Variants in RSPO2 observed in about 807,000 individuals in gnomAD.
The protein encoded by RSPO2 is R-spondin-2.
A neutral mutation model predicts 30.9 loss-of-function variants in RSPO2; 14 were observed. The ratio of observed to expected loss-of-function variants is 0.45; its 90% CI spans 0.30 to 0.71. RSPO2 has a LOEUF of 0.71. Ranked by LOEUF, RSPO2 falls within the 30% of genes least tolerant of loss-of-function variation. RSPO2 has a pLI of 0.08. For synonymous variants in RSPO2, 107 were observed against 96.4 expected (o/e 1.11, Z -0.64); for missense variants, 264 against 301.9 (o/e 0.87, Z 0.93).
At chr8:107,974,434 A>C (rs769129591) in intron 3 of RSPO2, among the ~76,000 whole-genome samples, 67 of 152,256 alleles carry the variant, frequency 4.4e-4, no homozygotes, top group Middle Eastern at 6.8e-3. Flanking sequence ...GGATGGGTTG[A>C]GCCTGAGAGG....
intron 2 of RSPO2, among the ~76,000 whole-genome samples, chr8:108,071,510 C>G (rs1812844131): frequency 6.6e-6 from 1 of 152,182 alleles, no homozygotes; most frequent in Admixed American, 6.5e-5. Context: ...CTCAATTGCA[C>G]TATGCTGGGT....
At chr8:107,983,385 A>G (rs1246417526) in intron 3 of RSPO2, 11 of 1,607,230 alleles carry the variant, frequency 6.8e-6, no homozygotes, top group Non-Finnish European at 9.4e-6. Context: ...AGCAGAACAC[A>G]GACAAGGATG....
At chr8:107,954,367 TG>T (rs1200877989) in intron 5 of RSPO2, among the ~76,000 whole-genome samples, 1 of 152,198 alleles carries the variant, frequency 6.6e-6, no homozygotes, top group African/African-American at 2.4e-5. Context: ...ATGTACAACA[TG>T]GCCCAGACTT....
At chr8:107,987,445 A>G (rs1359622310) in intron 3 of RSPO2, among the ~76,000 whole-genome samples, 2 of 152,090 alleles carry the variant, frequency 1.3e-5, no homozygotes, top group Non-Finnish European at 2.9e-5. Context: ...TCCTTCCTCA[A>G]TTCCAACCAC....
intron 2 of RSPO2, among the ~76,000 whole-genome samples, chr8:108,003,295 ATATATATATATATATATTTTTTTTTTTT>A (rs1177869129): frequency 0.03 from 819 of 27,434 alleles, 12 homozygotes; most frequent in Middle Eastern, 0.083. Context: ...ATATATATAT[ATATATATATATATATATTTTTTTTTTTT>A]TTTTTTTTTT....
rs754722790 is a variant in RSPO2, at chr8:107,945,241, C to CTTTTT, written c.616+12834_616+12838dup. On this transcript the variant is annotated intron_variant, in intron 5 of 5. Transcript: ENST00000276659. ...TTATCTCCTGAGTTCATTCTTTTAC[C>CTTTTT]TTTTTTTTTTTTTTTTTTTTTTTTT... Among the ~76,000 whole-genome samples the CTTTTT allele has an allele frequency of 2.5e-3, 184 of 74,834 alleles. 5 individuals carry two copies. The highest frequency in any genetic ancestry group is 4.7e-3 in the East Asian group (9 of 1,898). 49.1% of individuals were successfully genotyped at this position (74,834 alleles called of 152,430 possible). A position where few individuals can be genotyped will look rare whatever the true frequency, so the allele number is the denominator to read the frequency against.
In RSPO2 at chr8:107,900,906, C is replaced by A; in HGVS notation, c.*169G>T. ...CACAGTCTCCAGATTCAAATCAAAG[C>A]ATAAATAACACAGGGGCCATGCTGG... On this transcript the variant is annotated 3_prime_UTR_variant, in exon 6 of 6. Transcript: ENST00000276659. 1 of 661,238 alleles carries A rather than the reference C, an allele frequency of 1.5e-6. No homozygotes were observed. 41.0% of individuals were successfully genotyped at this position (661,238 alleles called of 1,614,324 possible). A position where few individuals can be genotyped will look rare whatever the true frequency, so the allele number is the denominator to read the frequency against.
Position 107,901,049 on chromosome 8 carries a change from CCTAAAAAT to C in RSPO2, c.*18_*25del. On this transcript the variant is annotated 3_prime_UTR_variant, in exon 6 of 6. Coordinates refer to ENST00000276659, the MANE Select transcript of RSPO2 (RefSeq NM_178565.5). ...GTGCACATTTGCAAAAACAAAAACC[CCTAAAAAT>C]CTACCGGATCTCTTGTTTTATTGGT... 1 of 1,609,328 alleles carries C rather than the reference CCTAAAAAT, an allele frequency of 6.2e-7. No individual in the cohort carries two copies. Among genetic ancestry groups the C allele is most frequent in the Non-Finnish European group, 8.5e-7 (1 of 1,178,812 alleles).
intron 2 of RSPO2, among the ~76,000 whole-genome samples, chr8:108,003,297 ATATATATATATATATTT>A (rs1815324644): frequency 4.3e-5 from 1 of 23,328 alleles, no homozygotes; most frequent in South Asian, 2.1e-3. Flanking sequence ...ATATATATAT[ATATATATATATATATTT>A]TTTTTTTTTT....
At chr8:107,969,818 A>T (rs1236761400) in intron 3 of RSPO2, among the ~76,000 whole-genome samples, 1 of 152,142 alleles carries the variant, frequency 6.6e-6, no homozygotes, top group Non-Finnish European at 1.5e-5. Flanking sequence ...CCATTATTAG[A>T]ACTCTCATCT....
intron 2 of RSPO2, among the ~76,000 whole-genome samples, chr8:108,050,759 C>A (rs1351866458): frequency 6.6e-6 from 1 of 152,162 alleles, no homozygotes; most frequent in African/African-American, 2.4e-5. Flanking sequence ...TCACCACCCT[C>A]CACGTTGGTA....
intron 3 of RSPO2, among the ~76,000 whole-genome samples, chr8:107,978,595 A>G (rs1814300967): frequency 6.6e-6 from 1 of 152,246 alleles, no homozygotes; most frequent in Admixed American, 6.5e-5. Flanking sequence ...AAACCTAGGC[A>G]ATACCACTCA....
chr8:107,901,652 TTTTAACA>T (rs1421983600), intron 5 of RSPO2, among the ~76,000 whole-genome samples: 1 of 152,258 alleles, frequency 6.6e-6, no homozygotes, highest in Non-Finnish European at 1.5e-5. Context: ...AGAGTCTTGC[TTTTAACA>T]TTATTTCCTC....
intron 3 of RSPO2, among the ~76,000 whole-genome samples, chr8:107,981,465 G>T (rs903627534): frequency 1.2e-4 from 18 of 152,186 alleles, no homozygotes; most frequent in Admixed American, 3.3e-4. Context: ...AGGTTACAGT[G>T]AGCTGAGACC....
chr8:107,942,826 C>T (rs1045319658), intron 5 of RSPO2, among the ~76,000 whole-genome samples: 3 of 152,162 alleles, frequency 2.0e-5, no homozygotes, highest in Non-Finnish European at 4.4e-5. Context: ...TCCATGCATT[C>T]AAAGGTATAA....
chr8:108,020,635 G>A (rs1203139000), intron 2 of RSPO2, among the ~76,000 whole-genome samples: 1 of 151,936 alleles, frequency 6.6e-6, no homozygotes, highest in East Asian at 1.9e-4. Flanking sequence ...TCATACATCT[G>A]TTTATTCATT....
Position 108,020,077 on chromosome 8 carries a change from C to CAA in RSPO2, c.95-30835_95-30834dup, listed in dbSNP as rs34726560. On this transcript the variant is annotated intron_variant, in intron 2 of 5. Coordinates refer to ENST00000276659, the MANE Select transcript of RSPO2 (RefSeq NM_178565.5). Reference sequence around the variant, plus strand: ...TGATCTATTTTGTTCATAAAAATTACAAAAAAAAAAAAAAAGAGGAAGAAG... The same window carrying CAA: ...TGATCTATTTTGTTCATAAAAATTACAAAAAAAAAAAAAAAAAGAGGAAGAAG... 6.1e-3 allele frequency among the ~76,000 whole-genome samples: 681 copies of CAA among 111,024 alleles called. 2 individuals are homozygous for CAA. Among genetic ancestry groups the CAA allele is most frequent in the Non-Finnish European group, 8.1e-3 (439 of 54,486 alleles). The allele number at this position is 111,024 out of a possible 152,430, so 72.8% of individuals were successfully genotyped here.
chr8:108,004,402 GC>G, intron 2 of RSPO2, among the ~76,000 whole-genome samples: 1 of 152,276 alleles, frequency 6.6e-6, no homozygotes, highest in Non-Finnish European at 1.5e-5. Flanking sequence ...TCCTGCCCTG[GC>G]TAAGGGGCCT....
chr8:108,065,925 C>T (rs1227227603), intron 2 of RSPO2, among the ~76,000 whole-genome samples: 1 of 152,160 alleles, frequency 6.6e-6, no homozygotes, highest in Non-Finnish European at 1.5e-5. Flanking sequence ...GTAATCCCAG[C>T]TTCTTGGGAG....
Sources: gnomAD v4.1 joint callset for allele counts (sites outside exome capture counted in the v4.1 genomes callset) on GRCh38, gnomAD v4.1.1 for gene constraint, MANE v1.5 for transcripts, NCBI Gene and HGNC (gene_info 2026-07-23, HGNC 2026-07-21) for gene names.